CTNND2: variants seen among roughly 807,000 people sequenced by gnomAD.
The protein encoded by CTNND2 is catenin delta 2, also known as catenin delta-2.
Under a neutral mutation model 144.4 loss-of-function variants are expected in CTNND2, and 22 were observed. That is an observed-to-expected ratio of 0.15 (90% CI 0.11 to 0.22). The LOEUF is 0.22. Among genes scored for constraint, CTNND2 ranks in the 10% least tolerant of loss-of-function variants. CTNND2 has a pLI of 1.00. For missense variants in CTNND2, 1,353 were observed against 1,618.8 expected, an observed-to-expected ratio of 0.84 and a Z score of 2.82; for synonymous variants, 751 against 695.6, an observed-to-expected ratio of 1.08 and a Z score of -1.25.
chr5:11,018,805 G>T (rs1364990731), intron 17 of CTNND2, among the ~76,000 whole-genome samples: 1 of 151,700 alleles, frequency 6.6e-6, no homozygotes, highest in Non-Finnish European at 1.5e-5. Context: ...CTGCCTCGCG[G>T]GTTCAAGCGA....
intron 18 of CTNND2, among the ~76,000 whole-genome samples, chr5:11,014,752 C>T (rs932934400): frequency 2.8e-4 from 42 of 152,132 alleles, no homozygotes; most frequent in African/African-American, 9.4e-4. Context: ...ACATTCTGGC[C>T]TCTGTACCTG....
intron 9 of CTNND2, among the ~76,000 whole-genome samples, chr5:11,309,645 G>A (rs990358706): frequency 1.3e-5 from 2 of 152,154 alleles, no homozygotes; most frequent in Non-Finnish European, 2.9e-5. Flanking sequence ...ATACTGAAAT[G>A]AGTTAAGACT....
At chr5:11,765,786 C>G (rs1001436090) in intron 1 of CTNND2, among the ~76,000 whole-genome samples, 2 of 152,066 alleles carry the variant, frequency 1.3e-5, no homozygotes, top group African/African-American at 4.8e-5. Flanking sequence ...AATGACTCAA[C>G]ACAGCTTATT....
chr5:11,881,437 C>T (rs1421838235), intron 1 of CTNND2, among the ~76,000 whole-genome samples: 1 of 152,042 alleles, frequency 6.6e-6, no homozygotes, highest in African/African-American at 2.4e-5. Context: ...CCTCCCTCCC[C>T]ACTATCCTTC....
intron 12 of CTNND2, among the ~76,000 whole-genome samples, chr5:11,148,931 A>C (rs1425031525): frequency 1.3e-5 from 2 of 152,222 alleles, no homozygotes; most frequent in Non-Finnish European, 2.9e-5. Context: ...TCAGCTGCTT[A>C]GGAGTGACAG....
intron 9 of CTNND2, among the ~76,000 whole-genome samples, chr5:11,260,787 G>A (rs1744777279): frequency 6.6e-6 from 1 of 151,948 alleles, no homozygotes; most frequent in Non-Finnish European, 1.5e-5. Flanking sequence ...TCAACAATTT[G>A]AAAAAAATTC....
At chr5:11,851,039 AG>A (rs1794986336) in intron 1 of CTNND2, among the ~76,000 whole-genome samples, 1 of 152,166 alleles carries the variant, frequency 6.6e-6, no homozygotes, top group African/African-American at 2.4e-5. Flanking sequence ...GAAAAGACGG[AG>A]GTCCCCCAAA....
chr5:11,337,557 T>A (rs1214949230), intron 9 of CTNND2, among the ~76,000 whole-genome samples: 2 of 152,184 alleles, frequency 1.3e-5, no homozygotes, highest in African/African-American at 2.4e-5. Context: ...AGATAACACA[T>A]GCATATCACA....
intron 3 of CTNND2, among the ~76,000 whole-genome samples, chr5:11,421,203 C>T (rs57174464): frequency 0.011 from 1,751 of 152,278 alleles, 73 homozygotes; most frequent in East Asian, 0.11. Context: ...TGGAGGAAAC[C>T]ATAAAAGGAC....
chr5:11,133,480 G>A (rs1199972131), intron 12 of CTNND2, among the ~76,000 whole-genome samples: 7 of 152,036 alleles, frequency 4.6e-5, no homozygotes, highest in African/African-American at 1.7e-4. Flanking sequence ...AGCCTCCCAA[G>A]CAGCTGGGAT....
At chr5:11,551,425 CTTTTTTCTT>C (rs1775749142) in intron 3 of CTNND2, among the ~76,000 whole-genome samples, 1 of 110,890 alleles carries the variant, frequency 9.0e-6, no homozygotes, top group Non-Finnish European at 1.8e-5. Flanking sequence ...TATGCTTTTT[CTTTTTTCTT>C]TTTTTTTTTT....
intron 1 of CTNND2, among the ~76,000 whole-genome samples, chr5:11,901,008 T>C (rs904128332): frequency 1.3e-5 from 2 of 152,362 alleles, no homozygotes; most frequent in South Asian, 4.1e-4. Flanking sequence ...TCCCATTTTC[T>C]GTGGCTAATC....
At chr5:11,489,242 T>C (rs753108425) in intron 3 of CTNND2, among the ~76,000 whole-genome samples, 2 of 152,218 alleles carry the variant, frequency 1.3e-5, no homozygotes, top group Admixed American at 1.3e-4. Flanking sequence ...TTAGCCATTG[T>C]GGTAAGTATA....
intron 2 of CTNND2, among the ~76,000 whole-genome samples, chr5:11,669,465 T>A (rs1001053200): frequency 7.2e-5 from 11 of 152,224 alleles, no homozygotes; most frequent in Non-Finnish European, 1.3e-4. Context: ...GTTCAGAGAT[T>A]CGTTTTCTTC....
chr5:11,761,397 G>A (rs1789254407), intron 1 of CTNND2, among the ~76,000 whole-genome samples: 1 of 152,158 alleles, frequency 6.6e-6, no homozygotes, highest in African/African-American at 2.4e-5. Flanking sequence ...CTTAAAAAGT[G>A]AAACAGCTTT....
At chr5:11,067,211 A>C (rs1747712051) in intron 16 of CTNND2, among the ~76,000 whole-genome samples, 1 of 152,234 alleles carries the variant, frequency 6.6e-6, no homozygotes, top group Non-Finnish European at 1.5e-5. Context: ...GGTAGAGGAG[A>C]GTATAAGCAG....
At chr5:11,780,952 A>G (rs891804903) in intron 1 of CTNND2, among the ~76,000 whole-genome samples, 1 of 152,206 alleles carries the variant, frequency 6.6e-6, no homozygotes, top group Non-Finnish European at 1.5e-5. Flanking sequence ...GATTTCTACA[A>G]TAATTTATTT....
chr5:11,271,532 T>C (rs530796245), intron 9 of CTNND2, among the ~76,000 whole-genome samples: 3 of 152,274 alleles, frequency 2.0e-5, no homozygotes, highest in African/African-American at 7.2e-5. Context: ...TTTTCAAAGA[T>C]GTGTGCATGT....
chr5:11,660,046 A>G (rs1292662621), intron 2 of CTNND2, among the ~76,000 whole-genome samples: 1 of 152,144 alleles, frequency 6.6e-6, no homozygotes, highest in Non-Finnish European at 1.5e-5. Flanking sequence ...GTCAATAAAG[A>G]GTCTTTATTA....
Sources: allele counts gnomAD v4.1 joint callset (sites outside exome capture counted in the v4.1 genomes callset), GRCh38; gene constraint gnomAD v4.1.1; transcripts MANE v1.5; gene names NCBI Gene and HGNC (gene_info 2026-07-23, HGNC 2026-07-21).